Variants in MARCHF1 observed in about 807,000 individuals in gnomAD.
The protein encoded by MARCHF1 is E3 ubiquitin-protein ligase MARCHF1.
A neutral mutation model predicts 54.2 loss-of-function variants in MARCHF1; 40 were observed. That is an observed-to-expected ratio of 0.74 (90% confidence interval 0.57 to 0.96). The LOEUF (loss-of-function observed/expected upper bound fraction) is 0.96. Ranked by LOEUF, MARCHF1 falls within the 40% of genes least tolerant of loss-of-function variation. The pLI, the probability that MARCHF1 is intolerant of heterozygous loss-of-function variation, is 0.00. For synonymous variants in MARCHF1, 236 were observed against 236.3 expected (o/e 1.00, Z 0.01); for missense variants, 586 against 656.5 (o/e 0.89, Z 1.17).
intron 1 of MARCHF1, among the ~76,000 whole-genome samples, chr4:164,193,733 G>T (rs555712573): frequency 7.9e-5 from 12 of 152,084 alleles, no homozygotes; most frequent in Non-Finnish European, 1.6e-4. Flanking sequence ...GTGGGTAAAT[G>T]AACAAATGCT....
Position 164,122,811 on chromosome 4 carries a change from C to G in MARCHF1, c.-322-11149G>C, listed in dbSNP as rs564598513. 5.8e-4 allele frequency among the ~76,000 whole-genome samples: 89 copies of G among 152,210 alleles called. 2 individuals are homozygous for G. In the South Asian group the frequency reaches 0.018, roughly 31 times the overall value. ...AGACAACATAGCCTCTTCAACAGAC[C>G]TACAGCAAGTATCGTACTGAGTAGT... On this transcript the variant is annotated intron_variant, in intron 1 of 9. Coordinates refer to ENST00000514618, the MANE Select transcript of MARCHF1 (RefSeq NM_001394959.1).
At chr4:164,343,078 A>G (rs1729974825) in intron 1 of MARCHF1, among the ~76,000 whole-genome samples, 1 of 152,170 alleles carries the variant, frequency 6.6e-6, no homozygotes, top group Admixed American at 6.6e-5. Flanking sequence ...TGATGTTTAT[A>G]GTTAATAATA....
chr4:164,294,720 G>T (rs1209137586), intron 1 of MARCHF1, among the ~76,000 whole-genome samples: 6 of 152,076 alleles, frequency 3.9e-5, no homozygotes, highest in Admixed American at 3.9e-4. Context: ...GCACAGCACT[G>T]TCTTAGAAAC....
intron 3 of MARCHF1, among the ~76,000 whole-genome samples, chr4:163,936,791 T>G (rs1281276712): frequency 2.6e-5 from 4 of 152,154 alleles, no homozygotes; most frequent in African/African-American, 9.7e-5. Flanking sequence ...CCCTGCCTTT[T>G]CATTTTCCTC....
chr4:163,825,657 C>T (rs191888347), intron 4 of MARCHF1, among the ~76,000 whole-genome samples: 180 of 151,974 alleles, frequency 1.2e-3, no homozygotes, highest in African/African-American at 4.2e-3. Flanking sequence ...AAGATGGTAT[C>T]TCATTATGGT....
At chr4:164,326,761 C>T (rs1245955100) in intron 1 of MARCHF1, among the ~76,000 whole-genome samples, 1 of 152,090 alleles carries the variant, frequency 6.6e-6, no homozygotes, top group South Asian at 2.1e-4. Flanking sequence ...AAACCACAAA[C>T]CTTACTTATT....
At chr4:163,708,830 G>A (rs992679385) in intron 4 of MARCHF1, among the ~76,000 whole-genome samples, 2 of 151,914 alleles carry the variant, frequency 1.3e-5, no homozygotes, top group African/African-American at 4.8e-5. Flanking sequence ...AGGAGATGGA[G>A]GGCAAGGAAT....
intron 1 of MARCHF1, among the ~76,000 whole-genome samples, chr4:164,135,669 A>G (rs902731032): frequency 6.6e-6 from 1 of 152,212 alleles, no homozygotes; most frequent in Non-Finnish European, 1.5e-5. Context: ...AGGGATTACA[A>G]TTCAAGATGA....
chr4:164,057,722 T>A (rs1314623843), intron 2 of MARCHF1, among the ~76,000 whole-genome samples: 1 of 152,162 alleles, frequency 6.6e-6, no homozygotes, highest in African/African-American at 2.4e-5. Context: ...ATACCATACT[T>A]CTCTGAACTG....
intron 1 of MARCHF1, among the ~76,000 whole-genome samples, chr4:164,175,932 T>A (rs1730651814): frequency 6.6e-6 from 1 of 152,184 alleles, no homozygotes; most frequent in Non-Finnish European, 1.5e-5. Flanking sequence ...TTCTAAATTG[T>A]TTCTATTTGG....
intron 4 of MARCHF1, among the ~76,000 whole-genome samples, chr4:163,740,328 A>G (rs1242426781): frequency 1.3e-5 from 2 of 152,224 alleles, no homozygotes; most frequent in African/African-American, 4.8e-5. Flanking sequence ...AGAACTGTGA[A>G]CATAGTGAGA....
intron 5 of MARCHF1, among the ~76,000 whole-genome samples, chr4:163,654,402 A>G (rs1743069502): frequency 1.3e-5 from 2 of 151,680 alleles, no homozygotes; most frequent in Non-Finnish European, 3.0e-5. Flanking sequence ...AGATTGTAAA[A>G]CCTACTCAAG....
intron 7 of MARCHF1, among the ~76,000 whole-genome samples, chr4:163,604,354 G>T (rs1405870945): frequency 7.2e-5 from 11 of 152,056 alleles, no homozygotes; most frequent in African/African-American, 2.7e-4. Flanking sequence ...AAATGGTGTG[G>T]TTACCTACCC....
chr4:163,931,598 A>G (rs73001210), intron 3 of MARCHF1, among the ~76,000 whole-genome samples: 16,897 of 152,212 alleles, frequency 0.11, 2,281 homozygotes, highest in African/African-American at 0.32. Flanking sequence ...GCTTCCAGAA[A>G]GAAATACATT....
At position 164,339,451 on chromosome 4, in the gene MARCHF1, T is replaced by C. The variant is rs149414740; in HGVS notation, c.-323+44419A>G. Among the ~76,000 whole-genome samples, 105 of 152,182 alleles carry C rather than the reference T, an allele frequency of 6.9e-4. 1 individual carries two copies. The East Asian group carries it at 0.018, about 25-fold the overall frequency. ...TGGAAAACTCACAAATATGTAGAAA[T>C]TAATCAACATACCCCTGAACAACCA... On this transcript the variant is annotated intron_variant, in intron 1 of 9. Transcript: ENST00000514618.
chr4:164,148,015 T>C (rs961890499), intron 1 of MARCHF1, among the ~76,000 whole-genome samples: 1 of 152,104 alleles, frequency 6.6e-6, no homozygotes, highest in African/African-American at 2.4e-5. Context: ...TCATATTTTA[T>C]TTTAATACCC....
chr4:164,115,080 A>C (rs537938044), intron 1 of MARCHF1, among the ~76,000 whole-genome samples: 1 of 152,052 alleles, frequency 6.6e-6, no homozygotes, highest in Non-Finnish European at 1.5e-5. Context: ...TTAAATTTAC[A>C]AAAGACAGAC....
At position 164,136,372 on chromosome 4, in the gene MARCHF1, G is replaced by C. The variant is rs1275270808; in HGVS notation, c.-322-24710C>G. Among the ~76,000 whole-genome samples, 2 of 151,682 alleles carry C rather than the reference G, an allele frequency of 1.3e-5. 1 individual carries two copies. Among genetic ancestry groups the C allele is most frequent in the African/African-American group, 4.8e-5 (2 of 41,284 alleles). ...CCTTCCTGCAGAGGGGCCCAGCTAA[G>C]TGCCAACAGATATCCCTTGGACTGA... On this transcript the variant is annotated intron_variant, in intron 1 of 9. Coordinates refer to ENST00000514618, the MANE Select transcript of MARCHF1 (RefSeq NM_001394959.1).
At chr4:163,758,687 T>C (rs1374286637) in intron 4 of MARCHF1, among the ~76,000 whole-genome samples, 1 of 152,180 alleles carries the variant, frequency 6.6e-6, no homozygotes, top group Non-Finnish European at 1.5e-5. Context: ...TGAGTAAAGA[T>C]GAAATGAATA....
Sources: allele counts gnomAD v4.1 joint callset (sites outside exome capture counted in the v4.1 genomes callset), GRCh38; gene constraint gnomAD v4.1.1; transcripts MANE v1.5; gene names NCBI Gene and HGNC (gene_info 2026-07-23, HGNC 2026-07-21).